The following LPIN1 variants were observed in gnomAD, a reference collection of about 807,000 sequenced individuals.
The protein encoded by LPIN1 is phosphatidate phosphatase LPIN1.
LPIN1 carries 71 observed loss-of-function variants against 107.5 expected under a neutral mutation model. That is an observed-to-expected ratio of 0.66 (90% confidence interval 0.55 to 0.80). LPIN1 has a LOEUF of 0.80. Among genes scored for constraint, LPIN1 ranks in the 30% least tolerant of loss-of-function variants. The pLI, the probability that LPIN1 is intolerant of heterozygous loss-of-function variation, is 0.00. For synonymous variants in LPIN1, 445 were observed against 452.6 expected (o/e 0.98, Z 0.21); for missense variants, 1,043 against 1,160.6 (o/e 0.90, Z 1.47).
chr2:11,799,251 A>AT (rs201269854), intron 14 of LPIN1, among the ~76,000 whole-genome samples: 317 of 149,540 alleles, frequency 2.1e-3, no homozygotes, highest in African/African-American at 6.9e-3. Context: ...AATTTAGTGG[A>AT]TTTTTTTTTT....
At chr2:11,726,683 A>AT (rs1572423392) in intron 1 of LPIN1, among the ~76,000 whole-genome samples, 2 of 152,162 alleles carry the variant, frequency 1.3e-5, no homozygotes, top group East Asian at 1.9e-4. Flanking sequence ...TGAGCCAGTT[A>AT]TTTTTTTAAA....
At chr2:11,780,871 G>T (rs750215891) in intron 7 of LPIN1, among the ~76,000 whole-genome samples, 17 of 152,228 alleles carry the variant, frequency 1.1e-4, no homozygotes, top group Admixed American at 7.8e-4. Context: ...CATGCACGCT[G>T]AGCCCCAGTT....
intron 1 of LPIN1, among the ~76,000 whole-genome samples, chr2:11,729,171 G>C (rs573266278): frequency 6.6e-6 from 1 of 152,160 alleles, no homozygotes; most frequent in Non-Finnish European, 1.5e-5. Flanking sequence ...AGAGGAGGGA[G>C]AGCATTAGGA....
At chr2:11,791,603 C>A in intron 12 of LPIN1, 1 of 1,193,960 alleles carries the variant, frequency 8.4e-7, no homozygotes, top group Non-Finnish European at 1.1e-6. Flanking sequence ...TTGAAAACTT[C>A]CAGTCTTACT....
chr2:11,811,456 G>A (rs983528999), intron 17 of LPIN1, among the ~76,000 whole-genome samples: 5 of 152,188 alleles, frequency 3.3e-5, no homozygotes, highest in African/African-American at 1.2e-4. Flanking sequence ...GGTCACTCTC[G>A]AGCTGGCTTT....
In LPIN1 at chr2:11,802,150, G is replaced by A. The variant is rs73915574; in HGVS notation, c.1887-757G>A. Reference sequence around the variant, plus strand: ...ATTTTCAAAGATAGTGGTCCTGGGAGGCAGAGCTGATACTACTGGGTTGGG... The same window carrying A: ...ATTTTCAAAGATAGTGGTCCTGGGAAGCAGAGCTGATACTACTGGGTTGGG... On this transcript the variant is annotated intron_variant, in intron 14 of 20. Transcript: ENST00000674199. 9.6e-4 allele frequency among the ~76,000 whole-genome samples: 146 copies of A among 152,302 alleles called. 1 individual carries two copies. Among genetic ancestry groups the A allele is most frequent in the African/African-American group, 3.4e-3 (142 of 41,548 alleles).
chr2:11,782,814 TA>T (rs1413863421), intron 8 of LPIN1, among the ~76,000 whole-genome samples: 1 of 152,208 alleles, frequency 6.6e-6, no homozygotes, highest in Non-Finnish European at 1.5e-5. Context: ...GTGACTTTTA[TA>T]AAGCTGATTA....
In LPIN1 at chr2:11,776,066, T is replaced by C. The variant is rs1434092145; in HGVS notation, c.723-20T>C. ...CTGATTTTGTCTTTCTTTTAATGTG[T>C]ATCACGTGGTGGTATCCAGTAGCCT... On this transcript the variant is annotated intron_variant, in intron 5 of 20. Transcript: ENST00000674199. The C allele has an allele frequency of 6.9e-7, 1 of 1,446,090 alleles. No individual in the cohort carries two copies. The highest frequency in any genetic ancestry group is 9.5e-7 in the Non-Finnish European group (1 of 1,055,480). 89.6% of individuals were successfully genotyped at this position (1,446,090 alleles called of 1,614,324 possible).
intron 7 of LPIN1, among the ~76,000 whole-genome samples, chr2:11,781,533 C>T (rs572104274): frequency 6.6e-6 from 1 of 152,328 alleles, no homozygotes; most frequent in South Asian, 2.1e-4. Flanking sequence ...CTGGAAATCC[C>T]TCTGGCGGTA....
intron 1 of LPIN1, among the ~76,000 whole-genome samples, chr2:11,731,380 C>T (rs1018906274): frequency 1.3e-5 from 2 of 152,172 alleles, no homozygotes; most frequent in Admixed American, 1.3e-4. Flanking sequence ...CAGCTTCATC[C>T]ATGTCCCTGC....
chr2:11,774,374 G>A lies in LPIN1; in HGVS notation c.722+629G>A, dbSNP rs1241033193. On this transcript the variant is annotated intron_variant, in intron 5 of 20. Transcript: ENST00000674199. The surrounding 1 kb of genome is among the most constrained non-coding windows in gnomAD (Gnocchi z 4.4). The stretch of plus-strand genomic sequence containing the variant: ...GCTAAATCCTGTGTTCTCAACACAG[G>A]AAATAATATAACCCCCATTGGGATG... 6.6e-6 allele frequency among the ~76,000 whole-genome samples: 1 copy of A among 152,118 alleles called. No individual in the cohort carries two copies. Among genetic ancestry groups the A allele is most frequent in the Non-Finnish European group, 1.5e-5 (1 of 68,004 alleles).
intron 1 of LPIN1, among the ~76,000 whole-genome samples, chr2:11,706,393 A>T (rs1166572469): frequency 1.3e-5 from 2 of 152,192 alleles, no homozygotes; most frequent in African/African-American, 4.8e-5. Flanking sequence ...GTGGTAAAGG[A>T]AAGAATGAGG....
intron 1 of LPIN1, among the ~76,000 whole-genome samples, chr2:11,763,808 CGTT>C (rs1364997420): frequency 2.0e-5 from 3 of 151,652 alleles, no homozygotes; most frequent in African/African-American, 7.3e-5. Context: ...ATGGACCTCT[CGTT>C]GTACCCTGTC....
At chr2:11,784,863 T>C in intron 9 of LPIN1, 23 bp from the exon 10 acceptor site, 1 of 1,613,110 alleles carries the variant, frequency 6.2e-7, no homozygotes, top group Non-Finnish European at 8.5e-7. Flanking sequence ...TCAGCCGGTC[T>C]CTGCCGCTTT....
chr2:11,808,588 C>A (rs765087061), intron 17 of LPIN1, among the ~76,000 whole-genome samples: 1 of 152,106 alleles, frequency 6.6e-6, no homozygotes, highest in Non-Finnish European at 1.5e-5. Flanking sequence ...AAAAGCCAAT[C>A]TTCAGCTGGG....
chr2:11,717,704 TTTTTC>T (rs1470616366), intron 2 of LPIN1, among the ~76,000 whole-genome samples: 2 of 152,206 alleles, frequency 1.3e-5, no homozygotes, highest in Non-Finnish European at 2.9e-5. Context: ...CAGGTTTTTT[TTTTTC>T]TAAGAGCATT....
intron 20 of LPIN1, among the ~76,000 whole-genome samples, chr2:11,823,575 G>A (rs1681933115): frequency 6.6e-6 from 1 of 152,130 alleles, no homozygotes; most frequent in Non-Finnish European, 1.5e-5. Context: ...CACACTTCTG[G>A]AGTCTGGATT....
exon 1 of LPIN1, chr2:11,677,637 C>G: frequency 6.5e-7 from 1 of 1,533,016 alleles, no homozygotes; most frequent in East Asian, 2.4e-5. Flanking sequence ...CAGCACCATA[C>G]AGGGCGGGCC....
intron 1 of LPIN1, among the ~76,000 whole-genome samples, chr2:11,733,499 CT>C (rs111274553): frequency 2.4e-3 from 339 of 143,144 alleles, no homozygotes; most frequent in Admixed American, 2.4e-3. Flanking sequence ...CTCTCTCTCT[CT>C]TTTTTTTTTT....
Sources: allele counts gnomAD v4.1 joint callset (sites outside exome capture counted in the v4.1 genomes callset), GRCh38; gene constraint gnomAD v4.1.1; non-coding constraint Gnocchi (gnomAD v3.1); transcripts MANE v1.5; gene names NCBI Gene and HGNC (gene_info 2026-07-23, HGNC 2026-07-21).